Variants in ARMCX4 observed in about 807,000 individuals in gnomAD.
The protein encoded by ARMCX4 is armadillo repeat-containing X-linked protein 4.
ARMCX4 carries 3 observed loss-of-function variants against 34.7 expected under a neutral mutation model. That is an observed-to-expected ratio of 0.09 (90% CI 0.04 to 0.22). The LOEUF is 0.22. Among genes scored for constraint, ARMCX4 ranks in the 10% least tolerant of loss-of-function variants. ARMCX4 has a pLI of 1.00. For synonymous variants in ARMCX4, 513 were observed against 632.8 expected (o/e 0.81, Z 2.84); for missense variants, 1,448 against 1,720.8 (o/e 0.84, Z 2.81).
At chrX:101,450,007 T>C (rs919670722), downstream of ARMCX4, among the ~76,000 whole-genome samples, 6 of 112,091 alleles carry the variant, frequency 5.4e-5, no homozygotes, top group Non-Finnish European at 1.1e-4. Flanking sequence ...AAGAGTTCTC[T>C]GGATTACCCG....
intron 4 of ARMCX4, among the ~76,000 whole-genome samples, chrX:101,467,370 C>G (rs916977625): frequency 3.6e-5 from 4 of 111,764 alleles, no homozygotes; most frequent in Non-Finnish European, 7.5e-5. Context: ...AGGATGGTCT[C>G]AAACTCCTGG....
At chrX:101,522,636 T>C (rs1934877382) in intron 11 of ARMCX4, among the ~76,000 whole-genome samples, 1 of 112,058 alleles carries the variant, frequency 8.9e-6, no homozygotes. Flanking sequence ...CCTTTGCCAT[T>C]CCATTTACTA....
At chrX:101,454,030 T>A (rs1555999671) in intron 4 of ARMCX4, among the ~76,000 whole-genome samples, 2 of 110,607 alleles carry the variant, frequency 1.8e-5, no homozygotes, top group Non-Finnish European at 3.8e-5. Context: ...TCAAGAAAAT[T>A]TCAGCCTGGA....
At chrX:101,450,538 A>G (rs1931921143), downstream of ARMCX4, among the ~76,000 whole-genome samples, 1 of 111,628 alleles carries the variant, frequency 9.0e-6, no homozygotes, top group Admixed American at 9.5e-5. Context: ...CAGGGACCCC[A>G]AGAACCCACT....
chrX:101,440,161 T>G (rs1326539735), intron 2 of ARMCX4, among the ~76,000 whole-genome samples: 10 of 111,748 alleles, frequency 8.9e-5, no homozygotes, highest in Admixed American at 4.8e-4. Context: ...TTTTGGTGTG[T>G]ATGTCCTTTC....
downstream of ARMCX4, among the ~76,000 whole-genome samples, chrX:101,450,144 C>T (rs1555998866): frequency 8.9e-6 from 1 of 112,506 alleles, no homozygotes; most frequent in Non-Finnish European, 1.9e-5. Context: ...GTGGCCAGCA[C>T]CACTGATAAT....
chrX:101,455,138 G>A lies in ARMCX4; in HGVS notation c.-473+9094G>A, dbSNP rs1338617372. Among the ~76,000 whole-genome samples, 5 of 111,797 alleles carry A rather than the reference G, an allele frequency of 4.5e-5. No individual in the cohort carries two copies. The East Asian group carries it at 1.1e-3, about 25-fold the overall frequency. ...ATAAGCAGAAGTTAGCCCATCAAAT[G>A]TAGAGGACAAATGAGAGGATTCCAG... is the stretch of plus-strand genomic sequence containing the variant. On this transcript the variant is annotated intron_variant and NMD_transcript_variant, in intron 4 of 15. Coordinates refer to the ARMCX4 transcript ENST00000433011.
intron 2 of ARMCX4, among the ~76,000 whole-genome samples, chrX:101,431,551 CT>C (rs369375192): frequency 4.7e-5 from 5 of 107,173 alleles, no homozygotes; most frequent in African/African-American, 1.0e-4. Context: ...CACCACGTTT[CT>C]TTTTTTTTTG....
chrX:101,432,959 CATATGTGTATATGTGTATAT>C (rs1569314821), intron 2 of ARMCX4, among the ~76,000 whole-genome samples: 1 of 54,975 alleles, frequency 1.8e-5, no homozygotes, highest in Admixed American at 2.1e-4. Flanking sequence ...CACATGTATA[CATATGTGTATATGTGTATAT>C]ATACACACAT....
rs1291105542 is a variant in ARMCX4 at position 101,495,487 on chromosome X, T to C, written c.*25T>C. On this transcript the variant is annotated 3_prime_UTR_variant, in exon 6 of 6. Transcript: ENST00000423738. ...ATTGGCTGTATGTTCCCAAACAAAT[T>C]TGAGTAATATTTTGGTTTTGCACTC... is the stretch of plus-strand genomic sequence containing the variant. 4 of 1,086,307 alleles carry C rather than the reference T, an allele frequency of 3.7e-6. No homozygotes were observed. The African/African-American group carries it at 7.5e-5, about 20-fold the overall frequency. 89.5% of individuals were successfully genotyped at this position (1,086,307 alleles called of 1,213,427 possible). A position where few individuals can be genotyped will look rare whatever the true frequency, so the allele number is the denominator to read the frequency against.
At chrX:101,426,395 C>G (rs1555991016) in intron 2 of ARMCX4, among the ~76,000 whole-genome samples, 1 of 111,361 alleles carries the variant, frequency 9.0e-6, no homozygotes, top group East Asian at 2.8e-4. Flanking sequence ...AGATGAGAGA[C>G]AACTTCCTTC....
At chrX:101,518,284 A>C (rs1384237075) in intron 11 of ARMCX4, among the ~76,000 whole-genome samples, 2 of 111,917 alleles carry the variant, frequency 1.8e-5, no homozygotes, top group Non-Finnish European at 3.8e-5. Context: ...ACTGAAGTTC[A>C]AGGTAATGTG....
intron 11 of ARMCX4, among the ~76,000 whole-genome samples, chrX:101,513,795 T>C (rs1219899850): frequency 6.3e-5 from 7 of 110,950 alleles, no homozygotes; most frequent in African/African-American, 2.3e-4. Context: ...AGTTTGGGTC[T>C]TTATTAGTCC....
intron 2 of ARMCX4, among the ~76,000 whole-genome samples, chrX:101,434,324 G>T (rs942439793): frequency 2.9e-5 from 3 of 102,236 alleles, no homozygotes; most frequent in African/African-American, 1.1e-4. Context: ...CATGATCTCT[G>T]CTCATTGCAA....
intron 10 of ARMCX4, among the ~76,000 whole-genome samples, chrX:101,510,627 C>G (rs1934560941): frequency 8.9e-6 from 1 of 111,959 alleles, no homozygotes; most frequent in Non-Finnish European, 1.9e-5. Flanking sequence ...CCTTTCTCTA[C>G]TTTAGGGATA....
intron 4 of ARMCX4, among the ~76,000 whole-genome samples, chrX:101,458,248 C>G (rs1932413751): frequency 9.0e-6 from 1 of 111,058 alleles, no homozygotes; most frequent in South Asian, 3.7e-4. Flanking sequence ...CTCAAATTTG[C>G]TGTTGCAATC....
chrX:101,434,603 AT>A (rs1173990671), intron 2 of ARMCX4, among the ~76,000 whole-genome samples: 12 of 108,621 alleles, frequency 1.1e-4, no homozygotes, highest in East Asian at 8.6e-4. Context: ...AGGGACTAAC[AT>A]TTTTTTTTAT....
chrX:101,531,121 T>G (rs1036606338), intron 11 of ARMCX4, among the ~76,000 whole-genome samples: 7 of 111,948 alleles, frequency 6.3e-5, no homozygotes, highest in Non-Finnish European at 1.1e-4. Context: ...ACAGGCGGCC[T>G]GAATTCCACT....
chrX:101,527,646 G>A (rs1819599935), intron 11 of ARMCX4, among the ~76,000 whole-genome samples: 1 of 111,087 alleles, frequency 9.0e-6, no homozygotes, highest in Admixed American at 9.6e-5. Flanking sequence ...TGATAAAGGG[G>A]ATATCACCAC....
Sources: gnomAD v4.1 joint callset for allele counts (sites outside exome capture counted in the v4.1 genomes callset) on GRCh38, gnomAD v4.1.1 for gene constraint, MANE v1.5 for transcripts, NCBI Gene and HGNC (gene_info 2026-07-23, HGNC 2026-07-21) for gene names.